The following SCNN1B variants were observed in gnomAD, a reference collection of about 807,000 sequenced individuals.
SCNN1B encodes epithelial sodium channel subunit beta.
A neutral mutation model predicts 65.3 loss-of-function variants in SCNN1B; 46 were observed. That is an observed-to-expected ratio of 0.70 (90% confidence interval 0.56 to 0.90). SCNN1B has a LOEUF of 0.90. Among genes scored for constraint, SCNN1B ranks in the 40% least tolerant of loss-of-function variants. The probability of loss-of-function intolerance (pLI) is 0.00; values close to 1 mark genes in which losing one functional copy is unlikely to be tolerated. For synonymous variants in SCNN1B, 349 were observed against 330.6 expected (o/e 1.06, Z -0.60); for missense variants, 751 against 830.5 (o/e 0.90, Z 1.18).
chr16:23,312,218 C>A (rs1961360116), intron 1 of SCNN1B, among the ~76,000 whole-genome samples: 1 of 152,188 alleles, frequency 6.6e-6, no homozygotes, highest in South Asian at 2.1e-4. Context: ...AATCCTCCCA[C>A]CTCGAGCTCA....
chr16:23,327,796 AT>A (rs1482005009), intron 1 of SCNN1B, among the ~76,000 whole-genome samples: 14 of 152,326 alleles, frequency 9.2e-5, no homozygotes, highest in African/African-American at 3.4e-4. Flanking sequence ...TTCTGGCCTC[AT>A]GACAAGATGG....
At chr16:23,283,331 A>ATGTTGCAGTG (rs1960807772) in intron 1 of SCNN1B, among the ~76,000 whole-genome samples, 2 of 152,196 alleles carry the variant, frequency 1.3e-5, no homozygotes, top group African/African-American at 4.8e-5. Context: ...GGATCTCTTG[A>ATGTTGCAGTG]ACTCGAGAGG....
chr16:23,335,141 C>T (rs1190161845), intron 1 of SCNN1B, among the ~76,000 whole-genome samples: 1 of 152,190 alleles, frequency 6.6e-6, no homozygotes, highest in Non-Finnish European at 1.5e-5. Context: ...GCAGAGTACA[C>T]AATGGATGAT....
intron 1 of SCNN1B, among the ~76,000 whole-genome samples, chr16:23,314,948 C>A (rs181680678): frequency 1.3e-5 from 2 of 152,168 alleles, no homozygotes; most frequent in Non-Finnish European, 1.5e-5. Flanking sequence ...AGGTGGGGAA[C>A]GCGTGGCCCA....
intron 1 of SCNN1B, among the ~76,000 whole-genome samples, chr16:23,314,256 G>A (rs980173184): frequency 1.8e-4 from 27 of 151,804 alleles, no homozygotes; most frequent in Admixed American, 6.6e-5. Flanking sequence ...TTGAACTCCT[G>A]GGCTCACTCA....
At chr16:23,328,991 G>A (rs528329772) in intron 1 of SCNN1B, among the ~76,000 whole-genome samples, 107 of 151,938 alleles carry the variant, frequency 7.0e-4, no homozygotes, top group Non-Finnish European at 1.3e-3. Flanking sequence ...GTAGAGAGAC[G>A]GTCACGCTGT....
intron 1 of SCNN1B, among the ~76,000 whole-genome samples, chr16:23,323,336 C>G (rs1360296704): frequency 6.6e-6 from 1 of 152,138 alleles, no homozygotes; most frequent in African/African-American, 2.4e-5. Context: ...GTTTTGCACT[C>G]CAGGACTGAA....
intron 1 of SCNN1B, among the ~76,000 whole-genome samples, chr16:23,340,030 G>T (rs577783103): frequency 2.0e-5 from 3 of 151,738 alleles, no homozygotes; most frequent in Non-Finnish European, 4.4e-5. Context: ...GGGTGGTTTT[G>T]ATCTGCATTT....
chr16:23,282,521 T>A (rs1960797797), intron 1 of SCNN1B, among the ~76,000 whole-genome samples: 1 of 152,248 alleles, frequency 6.6e-6, no homozygotes, highest in Admixed American at 6.5e-5. Context: ...TGGTTTATGA[T>A]GGGGTTACAT....
chr16:23,380,233 G>T lies in SCNN1B; in HGVS notation c.1542+64G>T, dbSNP rs1001511279. 1 of 1,516,724 alleles carries T rather than the reference G, an allele frequency of 6.6e-7. No individual in the cohort carries two copies. The highest frequency in any genetic ancestry group is 1.4e-5 in the African/African-American group (1 of 73,064). The allele number at this position is 1,516,724 out of a possible 1,614,324, so 94.0% of individuals were successfully genotyped here. ...GCCCTGACCCCTGCACCCTGAGGGT[G>T]GGGGAAGGGTTCTGAGCCCTATGAA... On this transcript the variant is annotated intron_variant, in intron 12 of 12. Transcript: ENST00000343070. This position sits in a 1 kb window ranked among gnomAD's most constrained non-coding sequence, Gnocchi z 5.4.
chr16:23,281,487 A>G (rs1960783531), intron 1 of SCNN1B, among the ~76,000 whole-genome samples: 1 of 152,198 alleles, frequency 6.6e-6, no homozygotes, highest in Non-Finnish European at 1.5e-5. Context: ...GGTACATAAC[A>G]GCTGTTCAGT....
upstream of SCNN1B, among the ~76,000 whole-genome samples, chr16:23,299,279 C>T (rs1567287705): frequency 6.6e-6 from 1 of 151,960 alleles, no homozygotes; most frequent in African/African-American, 2.4e-5. Context: ...AGGCTGGTCT[C>T]GAACTCCTGA....
chr16:23,292,381 TAG>T (rs1960938029), intron 2 of SCNN1B, among the ~76,000 whole-genome samples: 1 of 151,618 alleles, frequency 6.6e-6, no homozygotes. Context: ...GTATTTTTAG[TAG>T]AGACGGGGTT....
intron 7 of SCNN1B, among the ~76,000 whole-genome samples, chr16:23,373,731 C>T (rs1233047005): frequency 6.6e-6 from 1 of 152,206 alleles, no homozygotes; most frequent in Non-Finnish European, 1.5e-5. Flanking sequence ...CCTCCTGGTG[C>T]CCACCTGCCC....
At position 23,380,708 on chromosome 16, in the gene SCNN1B, G is replaced by T. The variant is rs532860296; in HGVS notation, c.1830G>T (p.Leu610=). The T allele has an allele frequency of 1.2e-6, 2 of 1,612,410 alleles. No homozygotes were observed. Among genetic ancestry groups the T allele is most frequent in the African/African-American group, 1.3e-5 (1 of 75,012 alleles). The change falls in exon 13 of 13, where the codon CTG becomes CTT. Residue 610 remains leucine, a synonymous_variant. Transcript: ENST00000343070. The surrounding 1 kb of genome is among the most constrained non-coding windows in gnomAD (Gnocchi z 5.4). The part of the protein sequence containing the change: ...NTGPYPSEQA[L]PIPGTPPPNY... ...GGCCCTACCCCAGTGAGCAGGCCCT[G>T]CCCATCCCAGGCACCCCGCCCCCCA... is the stretch of plus-strand genomic sequence containing the variant.
At position 23,346,022 on chromosome 16, in the gene SCNN1B, G is replaced by A. The variant is rs77446910; in HGVS notation, c.-8-2570G>A. On this transcript the variant is annotated intron_variant, in intron 1 of 12. Coordinates refer to ENST00000343070, the MANE Select transcript of SCNN1B (RefSeq NM_000336.3). ...CAGGAATGTCCTTAGAAACCCTCAT[G>A]TGCCATAACAAGTACCTGGTGGTCT... Among the ~76,000 whole-genome samples, 1,443 of 152,128 alleles carry A rather than the reference G, an allele frequency of 9.5e-3. 21 individuals are homozygous for A. Among genetic ancestry groups the A allele is most frequent in the African/African-American group, 0.033 (1,352 of 41,456 alleles).
At chr16:23,378,160 C>T (rs1453472261) in intron 10 of SCNN1B, among the ~76,000 whole-genome samples, 1 of 152,106 alleles carries the variant, frequency 6.6e-6, no homozygotes, top group Non-Finnish European at 1.5e-5. Context: ...CAGGCACATG[C>T]CACCAGGCCT....
intron 2 of SCNN1B, among the ~76,000 whole-genome samples, chr16:23,288,489 T>C (rs1199501295): frequency 2.6e-5 from 4 of 152,176 alleles, no homozygotes; most frequent in African/African-American, 9.7e-5. Flanking sequence ...CTTTGTGGTC[T>C]CTCATGGTGC....
chr16:23,334,948 T>C (rs1961905568), intron 1 of SCNN1B, among the ~76,000 whole-genome samples: 1 of 152,232 alleles, frequency 6.6e-6, no homozygotes, highest in Non-Finnish European at 1.5e-5. Flanking sequence ...GTTTAATCTT[T>C]GCAAATCTAA....
Sources: allele counts gnomAD v4.1 joint callset (sites outside exome capture counted in the v4.1 genomes callset), GRCh38; gene constraint gnomAD v4.1.1; non-coding constraint Gnocchi (gnomAD v3.1); transcripts MANE v1.5; gene names NCBI Gene and HGNC (gene_info 2026-07-23, HGNC 2026-07-21).